CCDC14: variants seen among roughly 807,000 people sequenced by gnomAD.
CCDC14 encodes coiled-coil domain containing 14.
A neutral mutation model predicts 81.4 loss-of-function variants in CCDC14; 71 were observed. The ratio of observed to expected loss-of-function variants is 0.87; its 90% CI spans 0.72 to 1.06. The LOEUF is 1.06. CCDC14 is among the 50% of genes least tolerant of loss of function. CCDC14 has a pLI of 0.00. For missense variants in CCDC14, 1,046 were observed against 1,047.3 expected, an observed-to-expected ratio of 1.00 and a Z score of 0.02; for synonymous variants, 332 against 364.8, an observed-to-expected ratio of 0.91 and a Z score of 1.03.
In CCDC14 at chr3:123,913,613, A is replaced by G. The variant is rs1433803686; in HGVS notation, c.*1166T>C. 1.8e-5 allele frequency: 18 copies of G among 984,440 alleles called. No homozygotes were observed. Among genetic ancestry groups the G allele is most frequent in the Non-Finnish European group, 1.9e-5 (16 of 829,520 alleles). 61.0% of individuals were successfully genotyped at this position (984,440 alleles called of 1,614,324 possible). On this transcript the variant is annotated 3_prime_UTR_variant, in exon 13 of 13. Coordinates refer to ENST00000409697, the MANE Select transcript of CCDC14 (RefSeq NM_001366335.1). ...TTAGACTTAAATCTCTATCTGGAAAATCTGAACATATCAAAGAGACTACAG... is the reference window on the plus strand; with the variant it reads ...TTAGACTTAAATCTCTATCTGGAAAGTCTGAACATATCAAAGAGACTACAG...
At chr3:123,941,913 T>C (rs2036370922) in intron 9 of CCDC14, among the ~76,000 whole-genome samples, 3 of 152,070 alleles carry the variant, frequency 2.0e-5, no homozygotes, top group African/African-American at 7.2e-5. Context: ...ATGGTGACAA[T>C]GTTAAAATAC....
chr3:123,909,036 T>A (rs2148767282), downstream of CCDC14, among the ~76,000 whole-genome samples: 1 of 152,254 alleles, frequency 6.6e-6, no homozygotes, highest in South Asian at 2.1e-4. Context: ...TACTACTTTC[T>A]TCTTGCCAAA....
chr3:123,953,813 A>G (rs1383889851), intron 5 of CCDC14: 1 of 147,132 alleles, frequency 6.8e-6, no homozygotes, highest in Non-Finnish European at 1.5e-5. Flanking sequence ...TAGATCCAGT[A>G]ACCTCTCTCT....
intron 12 of CCDC14, among the ~76,000 whole-genome samples, chr3:123,924,055 A>G (rs2148822455): frequency 6.6e-6 from 1 of 152,116 alleles, no homozygotes; most frequent in Middle Eastern, 3.4e-3. Flanking sequence ...TTCAAAATAT[A>G]TTAAAGGAAT....
At chr3:123,944,184 T>A (rs1055874142) in intron 9 of CCDC14, among the ~76,000 whole-genome samples, 1 of 152,100 alleles carries the variant, frequency 6.6e-6, no homozygotes, top group Non-Finnish European at 1.5e-5. Context: ...TGGGGAGAAA[T>A]CCCTACACAT....
intron 5 of CCDC14, among the ~76,000 whole-genome samples, chr3:123,899,075 A>T (rs182353881): frequency 7.9e-4 from 120 of 152,288 alleles, no homozygotes; most frequent in African/African-American, 2.6e-3. Flanking sequence ...TTTATTAACA[A>T]AGTCAGAAGT....
intron 9 of CCDC14, among the ~76,000 whole-genome samples, chr3:123,938,196 T>C (rs1410025973): frequency 6.6e-6 from 1 of 151,894 alleles, no homozygotes; most frequent in East Asian, 1.9e-4. Context: ...TTTACTTTAA[T>C]TACATAAAAT....
At chr3:123,924,135 C>A (rs540926135) in intron 12 of CCDC14, among the ~76,000 whole-genome samples, 1 of 151,930 alleles carries the variant, frequency 6.6e-6, no homozygotes, top group Non-Finnish European at 1.5e-5. Context: ...ATAAATAAAT[C>A]CATGTATTTA....
intron 9 of CCDC14, among the ~76,000 whole-genome samples, chr3:123,934,250 G>A (rs1485749229): frequency 2.9e-5 from 3 of 104,752 alleles, no homozygotes; most frequent in African/African-American, 3.9e-5. Context: ...CCAGCCTGGC[G>A]AAAGAGTGAG....
downstream of CCDC14, among the ~76,000 whole-genome samples, chr3:123,896,351 A>G (rs539330073): frequency 1.3e-5 from 2 of 152,324 alleles, no homozygotes; most frequent in African/African-American, 4.8e-5. Context: ...CAGCTTCCAC[A>G]CTATAATAAA....
intron 9 of CCDC14, among the ~76,000 whole-genome samples, chr3:123,944,482 T>A (rs1289707248): frequency 6.6e-6 from 1 of 152,098 alleles, no homozygotes; most frequent in South Asian, 2.1e-4. Flanking sequence ...GAGCCACCAA[T>A]GATCCATGTT....
chr3:123,943,718 A>G (rs913533686), intron 9 of CCDC14, among the ~76,000 whole-genome samples: 1 of 152,118 alleles, frequency 6.6e-6, no homozygotes, highest in Admixed American at 6.6e-5. Flanking sequence ...TGACTATCCA[A>G]TGAAGCCTCC....
chr3:123,885,801 A>C, the CCDC14 span, among the ~76,000 whole-genome samples: 1 of 152,162 alleles, frequency 6.6e-6, no homozygotes, highest in Non-Finnish European at 1.5e-5. Flanking sequence ...TTCATTAATT[A>C]ATTGAAGTTT....
chr3:123,898,400 C>T (rs2034112827), intron 5 of CCDC14, among the ~76,000 whole-genome samples: 1 of 152,098 alleles, frequency 6.6e-6, no homozygotes, highest in Non-Finnish European at 1.5e-5. Context: ...GTTCTCTGGC[C>T]CCTGGTAGGC....
chr3:123,946,878 C>T lies in CCDC14; in HGVS notation c.1126G>A (p.Val376Met), dbSNP rs755315519. 3.1e-6 allele frequency: 5 copies of T among 1,613,952 alleles called. No homozygotes were observed. The South Asian group carries it at 3.3e-5, about 11-fold the overall frequency. ...CTAACTTTTTCAGCTGTCTTGTTCA[C>T]ATTTTTTGCCTTCTGTACATCCTTC... ...TVKDVQKAKN[V>M]NKTAEKVRII... Residue 376 changes from valine to methionine, a missense_variant, in exon 8 of 13, where the codon GTG becomes ATG. Val to Met is a conservative substitution (Grantham distance 21). Coordinates refer to ENST00000409697, the MANE Select transcript of CCDC14 (RefSeq NM_001366335.1).
chr3:123,936,511 A>G (rs1291332977), intron 9 of CCDC14, among the ~76,000 whole-genome samples: 1 of 152,182 alleles, frequency 6.6e-6, no homozygotes, highest in East Asian at 1.9e-4. Context: ...CAGCCATAAA[A>G]AAGAATGAGA....
chr3:123,891,098 C>T, the CCDC14 span, among the ~76,000 whole-genome samples: 3 of 151,580 alleles, frequency 2.0e-5, no homozygotes, highest in South Asian at 2.1e-4. Context: ...CCCCTTTTAG[C>T]CAGCTGGAAC....
intron 10 of CCDC14, among the ~76,000 whole-genome samples, chr3:123,933,119 A>AACAG (rs1233005500): frequency 5.3e-4 from 71 of 133,474 alleles, no homozygotes; most frequent in African/African-American, 2.1e-3. Context: ...CAAACAAACA[A>AACAG]ACAAACAAAC....
At chr3:123,898,492 AGACTGTGAGCTGT>A (rs2034114525) in intron 5 of CCDC14, among the ~76,000 whole-genome samples, 3 of 152,194 alleles carry the variant, frequency 2.0e-5, no homozygotes, top group Admixed American at 6.5e-5. Flanking sequence ...CAGGTTGGAG[AGACTGTGAGCTGT>A]GACCCATGGT....
Sources: gnomAD v4.1 joint callset for allele counts (sites outside exome capture counted in the v4.1 genomes callset) on GRCh38, gnomAD v4.1.1 for gene constraint, MANE v1.5 for transcripts, NCBI Gene and HGNC (gene_info 2026-07-23, HGNC 2026-07-21) for gene names.